Variants in MCPH1 observed in about 807,000 individuals in gnomAD.
The protein encoded by MCPH1 is microcephalin.
A neutral mutation model predicts 84.5 loss-of-function variants in MCPH1; 104 were observed. That is an observed-to-expected ratio of 1.23 (90% CI 1.05 to 1.45). The LOEUF (loss-of-function observed/expected upper bound fraction) is 1.45. Ranked by LOEUF, MCPH1 falls within the 40% of genes most tolerant of loss-of-function variation. The pLI is 0.00. For synonymous variants in MCPH1, 514 were observed against 366.8 expected, an observed-to-expected ratio of 1.40 and a Z score of -4.58; for missense variants, 1,498 against 1,005.7, an observed-to-expected ratio of 1.49 and a Z score of -6.62.
At chr8:6,592,623 G>GTTTTTTTTTTTTT (rs573651366) in intron 12 of MCPH1, among the ~76,000 whole-genome samples, 5 of 77,554 alleles carry the variant, frequency 6.4e-5, no homozygotes, top group South Asian at 5.3e-4. Flanking sequence ...TCTTTTTTTT[G>GTTTTTTTTTTTTT]TTTTTTTTTT....
chr8:6,552,445 C>A (rs1823818951), intron 12 of MCPH1, among the ~76,000 whole-genome samples: 1 of 152,138 alleles, frequency 6.6e-6, no homozygotes, highest in Non-Finnish European at 1.5e-5. Flanking sequence ...AAAAGGAATT[C>A]ATTATCTTTC....
intron 11 of MCPH1, among the ~76,000 whole-genome samples, 166 bp downstream of exon 11, chr8:6,481,042 G>T (rs1809162501): frequency 6.6e-6 from 1 of 152,236 alleles, no homozygotes; most frequent in Admixed American, 6.5e-5. Context: ...TCTCCCGTGG[G>T]CTGCTACCCT....
chr8:6,426,945 C>T (rs1237566440), intron 3 of MCPH1, among the ~76,000 whole-genome samples: 2 of 152,128 alleles, frequency 1.3e-5, no homozygotes, highest in Non-Finnish European at 2.9e-5. Context: ...GACAGGGATG[C>T]CTTCTGAGAA....
intron 12 of MCPH1, among the ~76,000 whole-genome samples, chr8:6,574,075 A>G (rs927490320): frequency 2.0e-5 from 3 of 152,266 alleles, no homozygotes; most frequent in Non-Finnish European, 2.9e-5. Flanking sequence ...ACATAGTGCT[A>G]TTAGCAAAAA....
chr8:6,518,127 G>C (rs1816636025), intron 12 of MCPH1, among the ~76,000 whole-genome samples: 1 of 152,184 alleles, frequency 6.6e-6, no homozygotes, highest in Non-Finnish European at 1.5e-5. Context: ...CTTGCACTTA[G>C]ACTGAGAAAC....
chr8:6,464,997 C>CA (rs1313623393), intron 9 of MCPH1, among the ~76,000 whole-genome samples: 19 of 140,364 alleles, frequency 1.4e-4, no homozygotes, highest in South Asian at 2.2e-4. Flanking sequence ...GATTCCATCT[C>CA]AGAAAAAAAA....
intron 11 of MCPH1, among the ~76,000 whole-genome samples, chr8:6,487,946 C>A (rs1256897898): frequency 3.3e-5 from 5 of 152,240 alleles, no homozygotes; most frequent in Admixed American, 1.3e-4. Context: ...ATCTTAGAAA[C>A]ACATCTCTGT....
intron 11 of MCPH1, among the ~76,000 whole-genome samples, chr8:6,484,304 A>G (rs1809590419): frequency 6.6e-6 from 1 of 152,250 alleles, no homozygotes; most frequent in Non-Finnish European, 1.5e-5. Flanking sequence ...AGCATCTAAA[A>G]AGATGCTCAT....
At chr8:6,439,781 C>A (rs1000034818) in intron 6 of MCPH1, among the ~76,000 whole-genome samples, 14 of 152,140 alleles carry the variant, frequency 9.2e-5, no homozygotes, top group African/African-American at 3.4e-4. Flanking sequence ...TTTCTTTTAT[C>A]TTTAAAATTT....
At chr8:6,558,545 C>T (rs1825018946) in intron 12 of MCPH1, among the ~76,000 whole-genome samples, 1 of 152,136 alleles carries the variant, frequency 6.6e-6, no homozygotes, top group African/African-American at 2.4e-5. Flanking sequence ...CGGTAACTGG[C>T]TTACAGATAA....
chr8:6,621,395 T>C (rs998126455), intron 12 of MCPH1, 59 bp from the exon 13 acceptor site: 17 of 1,601,976 alleles, frequency 1.1e-5, no homozygotes, highest in Non-Finnish European at 1.0e-5. Flanking sequence ...ACAGTTCGCC[T>C]ACGCTATGGA....
chr8:6,411,183 G>C (rs563122195), intron 2 of MCPH1, among the ~76,000 whole-genome samples: 2 of 152,168 alleles, frequency 1.3e-5, no homozygotes, highest in Admixed American at 6.5e-5. Context: ...CACAGGCCTG[G>C]TTGAAGAGTT....
At chr8:6,608,867 C>T (rs534447652) in intron 12 of MCPH1, among the ~76,000 whole-genome samples, 19 of 152,272 alleles carry the variant, frequency 1.2e-4, no homozygotes, top group Admixed American at 8.5e-4. Context: ...TAGGCCTCAC[C>T]ACCCTCCATC....
chr8:6,497,795 A>C (rs555344586), intron 11 of MCPH1, among the ~76,000 whole-genome samples: 1 of 152,290 alleles, frequency 6.6e-6, no homozygotes, highest in South Asian at 2.1e-4. Context: ...TACAGAAAAA[A>C]ACTTGTGCTT....
At chr8:6,407,619 G>A (rs1423648948) in intron 1 of MCPH1, among the ~76,000 whole-genome samples, 4 of 152,158 alleles carry the variant, frequency 2.6e-5, no homozygotes, top group Admixed American at 6.6e-5. Flanking sequence ...AAAGACTAGA[G>A]GCTTTATACA....
At chr8:6,581,006 A>C (rs1419653905) in intron 12 of MCPH1, among the ~76,000 whole-genome samples, 1 of 152,358 alleles carries the variant, frequency 6.6e-6, no homozygotes, top group South Asian at 2.1e-4. Flanking sequence ...AATCGAGTAC[A>C]ACAACTATTT....
intron 12 of MCPH1, among the ~76,000 whole-genome samples, chr8:6,598,934 C>A (rs1022615916): frequency 6.6e-6 from 1 of 152,288 alleles, no homozygotes; most frequent in African/African-American, 2.4e-5. Context: ...CACACACGCA[C>A]ATGCAGCCCC....
chr8:6,542,343 T>C (rs902770614), intron 12 of MCPH1, among the ~76,000 whole-genome samples: 23 of 152,006 alleles, frequency 1.5e-4, no homozygotes, highest in Admixed American at 9.2e-4. Context: ...TGTGTGTGTG[T>C]TTCAGTTCTC....
chr8:6,567,447 T>G (rs773449922), intron 12 of MCPH1, among the ~76,000 whole-genome samples: 19 of 152,208 alleles, frequency 1.2e-4, no homozygotes, highest in Non-Finnish European at 2.6e-4. Context: ...CAGCCTTCTG[T>G]GTGGCTGCTT....
Sources: allele counts gnomAD v4.1 joint callset (sites outside exome capture counted in the v4.1 genomes callset), GRCh38; gene constraint gnomAD v4.1.1; transcripts MANE v1.5; gene names NCBI Gene and HGNC (gene_info 2026-07-23, HGNC 2026-07-21).